Variants in CACNA1A observed in about 807,000 individuals in gnomAD.
The protein encoded by CACNA1A is voltage-dependent P/Q-type calcium channel subunit alpha-1A.
In CACNA1A, 57 loss-of-function variants were observed where a neutral mutation model predicts 262.4. The observed-to-expected ratio is 0.22, with a 90% CI of 0.18 to 0.27. The LOEUF is 0.27. Ranked by LOEUF, CACNA1A falls within the 10% of genes least tolerant of loss-of-function variation. The probability of loss-of-function intolerance (pLI) is 1.00; values close to 1 mark genes in which losing one functional copy is unlikely to be tolerated. For missense variants in CACNA1A, 2,526 were observed against 3,562.8 expected (o/e 0.71, Z 7.41); for synonymous variants, 1,431 against 1,419.3 (o/e 1.01, Z -0.18).
chr19:13,294,368 A>G lies in CACNA1A; in HGVS notation c.3089+4176T>C, dbSNP rs118124554. Among the ~76,000 whole-genome samples, 56 of 152,064 alleles carry G rather than the reference A, an allele frequency of 3.7e-4. No homozygotes were observed. In the East Asian group the frequency reaches 9.7e-3, roughly 26 times the overall value. On this transcript the variant is annotated intron_variant, in intron 19 of 46. Transcript: ENST00000360228. ...CTGTCTTGTACATGGTAGGGTATTTAGTATACTGGCCTCCCATTCTCTAAA... is the reference window on the plus strand; with the variant it reads ...CTGTCTTGTACATGGTAGGGTATTTGGTATACTGGCCTCCCATTCTCTAAA...
chr19:13,464,085 G>C (rs563909425), intron 1 of CACNA1A, among the ~76,000 whole-genome samples: 27 of 152,316 alleles, frequency 1.8e-4, no homozygotes, highest in South Asian at 4.1e-4. Flanking sequence ...TGGTTCCCAT[G>C]ATGACTAGAA....
At chr19:13,503,843 C>T (rs1357962021) in intron 1 of CACNA1A, among the ~76,000 whole-genome samples, 9 of 152,054 alleles carry the variant, frequency 5.9e-5, no homozygotes, top group Admixed American at 5.2e-4. Flanking sequence ...AAGCCCCGGG[C>T]GAGCTGGCCA....
intron 17 of CACNA1A, among the ~76,000 whole-genome samples, chr19:13,303,024 A>C (rs1714220007): frequency 6.6e-6 from 1 of 152,090 alleles, no homozygotes; most frequent in African/African-American, 2.4e-5. Context: ...GCTAGCTCTT[A>C]ACATGCTGCG....
At chr19:13,473,040 C>T (rs868534646) in intron 1 of CACNA1A, among the ~76,000 whole-genome samples, 1 of 151,964 alleles carries the variant, frequency 6.6e-6, no homozygotes, top group Admixed American at 6.6e-5. Context: ...ATCACTTGAG[C>T]CCAGAAGTTC....
chr19:13,291,221 A>C (rs1405224033), intron 19 of CACNA1A, among the ~76,000 whole-genome samples: 1 of 152,150 alleles, frequency 6.6e-6, no homozygotes, highest in Non-Finnish European at 1.5e-5. Context: ...ATCCTTCTGC[A>C]GAGGGCTGTG....
At chr19:13,239,616 T>C (rs1200030705) in intron 31 of CACNA1A, among the ~76,000 whole-genome samples, 8 of 152,036 alleles carry the variant, frequency 5.3e-5, no homozygotes, top group Non-Finnish European at 1.0e-4. Flanking sequence ...AAAGATGCCA[T>C]TGGGGCGTCC....
Position 13,286,678 on chromosome 19 carries a change from G to T in CACNA1A, c.3378C>A (p.Asn1126Lys). The T allele has an allele frequency of 6.4e-7, 1 of 1,568,744 alleles. No individual in the cohort carries two copies. Among genetic ancestry groups the T allele is most frequent in the Non-Finnish European group, 8.6e-7 (1 of 1,156,378 alleles). ...CGGGATTGGATGGGTTCCCCGGGTTGTTGGGCGTCCGGCGGCTGGCGGCGT... is the reference window on the plus strand; with the variant it reads ...CGGGATTGGATGGGTTCCCCGGGTTTTTGGGCGTCCGGCGGCTGGCGGCGT... ...PQNAASRRTP[N>K]NPGNPSNPGP... Residue 1126 changes from asparagine to lysine, a missense_variant, in exon 20 of 47, where the codon AAC becomes AAA. Asn to Lys is a moderately conservative substitution (Grantham distance 94, BLOSUM62 0). Coordinates refer to ENST00000360228, the MANE Select transcript of CACNA1A (RefSeq NM_001127222.2).
chr19:13,395,985 G>A (rs1306546953), intron 3 of CACNA1A, among the ~76,000 whole-genome samples: 6 of 152,182 alleles, frequency 3.9e-5, no homozygotes, highest in Admixed American at 1.3e-4. Context: ...TTTCTACACC[G>A]CTGTCCATAC....
chr19:13,310,477 AAAAAAAAAAAAAATATATAT>A (rs2058002420), intron 12 of CACNA1A, among the ~76,000 whole-genome samples: 1 of 42,256 alleles, frequency 2.4e-5, no homozygotes, highest in African/African-American at 1.3e-4. Flanking sequence ...AAAAAAAAAA[AAAAAAAAAAAAAATATATAT>A]ATATATATAT....
rs199642802 is a variant in CACNA1A at position 13,413,907 on chromosome 19, G to GA, written c.539+38968dup. Among the ~76,000 whole-genome samples the GA allele has an allele frequency of 1.6e-3, 131 of 83,108 alleles. 1 individual carries two copies. The highest frequency in any genetic ancestry group is 3.7e-3 in the Admixed American group (32 of 8,564). 54.5% of individuals were successfully genotyped at this position (83,108 alleles called of 152,430 possible). A position where few individuals can be genotyped will look rare whatever the true frequency, so the allele number is the denominator to read the frequency against. On this transcript the variant is annotated intron_variant, in intron 3 of 46. Transcript: ENST00000360228. ...AAAGAAAGAAAGAAAAAGAAAGAAA[G>GA]AAAGAAAGAAAGAAAGAAAGAAAGA...
At chr19:13,427,244 G>A (rs2060417974) in intron 3 of CACNA1A, among the ~76,000 whole-genome samples, 1 of 151,994 alleles carries the variant, frequency 6.6e-6, no homozygotes, top group South Asian at 2.1e-4. Flanking sequence ...CTGAGGTCAG[G>A]AGTTCGAGAC....
At position 13,241,559 on chromosome 19, in the gene CACNA1A, G is replaced by A; in HGVS notation, c.4950+3623C>T. On this transcript the variant is annotated intron_variant, in intron 31 of 46. Transcript: ENST00000360228. This position sits in a 1 kb window ranked among gnomAD's most constrained non-coding sequence, Gnocchi z 4.0. ...CAGATGTTGAAGATGAGGGGGAGCG[G>A]GCGGGCGGGGGCAGTTGGGGAGGCG... 1.7e-6 allele frequency: 2 copies of A among 1,204,684 alleles called. No homozygotes were observed. The highest frequency in any genetic ancestry group is 1.5e-5 in the African/African-American group (1 of 67,492). 74.6% of individuals were successfully genotyped at this position (1,204,684 alleles called of 1,614,324 possible).
rs1011133309 is a variant in CACNA1A at position 13,273,609 on chromosome 19, A to T, written c.3989+2241T>A. 5.3e-5 allele frequency: 8 copies of T among 151,740 alleles called. No homozygotes were observed. The East Asian group carries it at 7.7e-4, about 15-fold the overall frequency. The allele number at this position is 151,740 out of a possible 1,614,324, so 9.4% of individuals were successfully genotyped here. ...ATGTGCATTGTATTTTGTTTAATTA[A>T]TTATTTATTTATTTACTTTTTAACC... On this transcript the variant is annotated intron_variant, in intron 24 of 46. Transcript: ENST00000360228.
At chr19:13,213,798 C>T (rs2054902891) in intron 40 of CACNA1A, 1 of 159,460 alleles carries the variant, frequency 6.3e-6, no homozygotes, top group Non-Finnish European at 1.4e-5. Context: ...ATTCTCCTGC[C>T]TCAGCCTCCC....
At position 13,241,565 on chromosome 19, in the gene CACNA1A, C is replaced by CGGGGGGGGGGG; in HGVS notation, c.4950+3616_4950+3617insCCCCCCCCCCC. 1 of 193,570 alleles carries CGGGGGGGGGGG rather than the reference C, an allele frequency of 5.2e-6. No individual in the cohort carries two copies. The highest frequency in any genetic ancestry group is 9.7e-6 in the Non-Finnish European group (1 of 102,662). 12.0% of individuals were successfully genotyped at this position (193,570 alleles called of 1,614,324 possible). ...TTGAAGATGAGGGGGAGCGGGCGGGCGGGGGCAGTTGGGGAGGCGTGTTCA... is the reference window on the plus strand; with the variant it reads ...TTGAAGATGAGGGGGAGCGGGCGGGCGGGGGGGGGGGGGGGGCAGTTGGGGAGGCGTGTTCA... On this transcript the variant is annotated intron_variant, in intron 31 of 46. Transcript: ENST00000360228. This position sits in a 1 kb window ranked among gnomAD's most constrained non-coding sequence, Gnocchi z 4.0.
chr19:13,490,428 C>T lies in CACNA1A; in HGVS notation c.293+15504G>A, dbSNP rs549533137. Reference sequence around the variant, plus strand: ...GACCAGCTTGGCCAACATGGTGAAACTCCATCTCTACTAAAAATGCAAAAA... The same window carrying T: ...GACCAGCTTGGCCAACATGGTGAAATTCCATCTCTACTAAAAATGCAAAAA... On this transcript the variant is annotated intron_variant, in intron 1 of 46. Transcript: ENST00000360228. 1.8e-4 allele frequency among the ~76,000 whole-genome samples: 28 copies of T among 152,196 alleles called. No individual in the cohort carries two copies. In the South Asian group the frequency reaches 5.2e-3, roughly 28 times the overall value.
At chr19:13,335,452 T>C (rs1394047112) in intron 7 of CACNA1A, among the ~76,000 whole-genome samples, 1 of 152,124 alleles carries the variant, frequency 6.6e-6, no homozygotes, top group Non-Finnish European at 1.5e-5. Context: ...CCATTTATGA[T>C]TAAGCCAAAA....
intron 15 of CACNA1A, among the ~76,000 whole-genome samples, chr19:13,305,717 G>A (rs2057885445): frequency 1.3e-5 from 2 of 152,180 alleles, no homozygotes; most frequent in Non-Finnish European, 2.9e-5. Flanking sequence ...ACTTGTCCTT[G>A]GGTGAGAACC....
Position 13,214,707 on chromosome 19 carries a change from A to G in CACNA1A, c.5732-99T>C, listed in dbSNP as rs533244672. The stretch of plus-strand genomic sequence containing the variant: ...ATAGGCTCCCGAGAACGAGACCCCA[A>G]TCTTTCTGGTCCCCATGGGGTCTCC... On this transcript the variant is annotated intron_variant, in intron 38 of 46. Transcript: ENST00000360228. This position sits in a 1 kb window ranked among gnomAD's most constrained non-coding sequence, Gnocchi z 4.1. 2.1e-5 allele frequency: 19 copies of G among 893,530 alleles called. No homozygotes were observed. The highest frequency in any genetic ancestry group is 7.5e-5 in the South Asian group (5 of 66,474). 55.4% of individuals were successfully genotyped at this position (893,530 alleles called of 1,614,324 possible). A position where few individuals can be genotyped will look rare whatever the true frequency, so the allele number is the denominator to read the frequency against.
Sources: allele counts gnomAD v4.1 joint callset (sites outside exome capture counted in the v4.1 genomes callset), GRCh38; gene constraint gnomAD v4.1.1; non-coding constraint Gnocchi (gnomAD v3.1); transcripts MANE v1.5; gene names NCBI Gene and HGNC (gene_info 2026-07-23, HGNC 2026-07-21).